Variants in SH3BP5 observed in about 807,000 individuals in gnomAD.
The protein encoded by SH3BP5 is SH3 domain binding protein 5.
A neutral mutation model predicts 43.3 loss-of-function variants in SH3BP5; 22 were observed. The ratio of observed to expected loss-of-function variants is 0.51; its 90% CI spans 0.36 to 0.73. The LOEUF is 0.73. Ranked by LOEUF, SH3BP5 falls within the 30% of genes least tolerant of loss-of-function variation. The probability of loss-of-function intolerance (pLI) is 0.00; values close to 1 mark genes in which losing one functional copy is unlikely to be tolerated. For missense variants in SH3BP5, 529 were observed against 586.9 expected, an observed-to-expected ratio of 0.90 and a Z score of 1.02; for synonymous variants, 255 against 225.8, an observed-to-expected ratio of 1.13 and a Z score of -1.16.
At chr3:15,328,510 C>A (rs1575356054) in intron 2 of SH3BP5, among the ~76,000 whole-genome samples, 1 of 152,062 alleles carries the variant, frequency 6.6e-6, no homozygotes, top group Non-Finnish European at 1.5e-5. Flanking sequence ...GGGAGGATCA[C>A]TTTGAGGCCT....
intron 3 of SH3BP5, among the ~76,000 whole-genome samples, chr3:15,286,052 A>G (rs1697256038): frequency 6.6e-6 from 1 of 152,258 alleles, no homozygotes; most frequent in South Asian, 2.1e-4. Context: ...GAAAAATCTG[A>G]GGGATCTATT....
chr3:15,265,554 A>ACACACACACACACACACACACACACACC (rs1696611071), intron 4 of SH3BP5, among the ~76,000 whole-genome samples: 1 of 144,528 alleles, frequency 6.9e-6, no homozygotes. Flanking sequence ...ACACACACAC[A>ACACACACACACACACACACACACACACC]CACACAACCC....
chr3:15,274,894 C>T (rs966003267), intron 3 of SH3BP5, among the ~76,000 whole-genome samples: 1 of 152,166 alleles, frequency 6.6e-6, no homozygotes, highest in African/African-American at 2.4e-5. Flanking sequence ...AACTCATTGT[C>T]CAAACAACAG....
chr3:15,323,994 C>G (rs1302751337), intron 2 of SH3BP5, among the ~76,000 whole-genome samples: 1 of 152,216 alleles, frequency 6.6e-6, no homozygotes, highest in Non-Finnish European at 1.5e-5. Context: ...TACCACCATT[C>G]TGATGGCCAA....
At chr3:15,286,648 G>A (rs1697273539) in intron 3 of SH3BP5, among the ~76,000 whole-genome samples, 1 of 152,052 alleles carries the variant, frequency 6.6e-6, no homozygotes. Context: ...CAACCTCCTG[G>A]GCTCCAGAGA....
At chr3:15,269,514 C>T (rs552820196) in intron 4 of SH3BP5, among the ~76,000 whole-genome samples, 199 bp downstream of exon 4, 90 of 152,208 alleles carry the variant, frequency 5.9e-4, no homozygotes, top group African/African-American at 2.1e-3. Context: ...CTCGCTGTCA[C>T]GGAGAGACAC....
chr3:15,295,261 TATTTGTAACCC>T (rs1697536527), intron 3 of SH3BP5, among the ~76,000 whole-genome samples: 1 of 152,218 alleles, frequency 6.6e-6, no homozygotes, highest in East Asian at 1.9e-4. Context: ...TACTAAGCTT[TATTTGTAACCC>T]CAAAATCAAC....
intron 1 of SH3BP5, 107 bp downstream of exon 1, chr3:15,332,163 TC>T: frequency 6.7e-7 from 1 of 1,502,762 alleles, no homozygotes; most frequent in South Asian, 1.2e-5. Context: ...TGGCCGCCAG[TC>T]CCCGGACCAC....
At chr3:15,322,614 G>A (rs1698357931) in intron 2 of SH3BP5, among the ~76,000 whole-genome samples, 1 of 151,512 alleles carries the variant, frequency 6.6e-6, no homozygotes, top group Middle Eastern at 3.4e-3. Context: ...GAGGCAGGAG[G>A]ACTGCTTGAG....
intron 1 of SH3BP5, among the ~76,000 whole-genome samples, chr3:15,337,758 A>T (rs1025757993): frequency 2.2e-4 from 33 of 150,356 alleles, no homozygotes; most frequent in Admixed American, 1.6e-3. Flanking sequence ...CCAAAAAAAA[A>T]TTTTTAATTA....
chr3:15,259,506 C>T, intron 6 of SH3BP5: 1 of 586,254 alleles, frequency 1.7e-6, no homozygotes, highest in Non-Finnish European at 3.0e-6. Flanking sequence ...GATGCTGATG[C>T]TGCTGGTCCT....
chr3:15,275,837 A>G (rs1476515157), intron 3 of SH3BP5: 3 of 151,982 alleles, frequency 2.0e-5, no homozygotes, highest in Non-Finnish European at 4.4e-5. Flanking sequence ...CTTGGCCAAC[A>G]TGGTGAAACC....
At chr3:15,313,709 C>T (rs1698116353) in intron 2 of SH3BP5, among the ~76,000 whole-genome samples, 1 of 152,326 alleles carries the variant, frequency 6.6e-6, no homozygotes, top group African/African-American at 2.4e-5. Flanking sequence ...GTGACGATGA[C>T]ATGTGCTACA....
intron 3 of SH3BP5, chr3:15,273,029 G>T: frequency 1.5e-6 from 1 of 646,168 alleles, no homozygotes; most frequent in Non-Finnish European, 1.9e-6. Context: ...GCCTCCGCAG[G>T]CCAAGCTGCT....
intron 5 of SH3BP5, among the ~76,000 whole-genome samples, chr3:15,260,940 T>C (rs918012654): frequency 3.3e-5 from 5 of 152,172 alleles, no homozygotes; most frequent in Admixed American, 2.6e-4. Flanking sequence ...TGGATGAGTA[T>C]GTGATGTGTG....
rs186924563 is a variant in SH3BP5 at position 15,260,876 on chromosome 3, T to C, written c.627-1073A>G. On this transcript the variant is annotated intron_variant, in intron 5 of 8. Coordinates refer to ENST00000383791, the MANE Select transcript of SH3BP5 (RefSeq NM_004844.5). The stretch of plus-strand genomic sequence containing the variant: ...ATCTATCCCTGTACTCTTCTCGGAG[T>C]CTGAAAAGGTTGGCAAAGTACAATC... Among the ~76,000 whole-genome samples the C allele has an allele frequency of 3.9e-5, 6 of 152,148 alleles. No homozygotes were observed. In the East Asian group the frequency reaches 1.2e-3, roughly 29 times the overall value.
In SH3BP5 at chr3:15,258,958, T is replaced by A; in HGVS notation, c.762A>T (p.Ser254=). The change falls in exon 7 of 9, where the codon TCA becomes TCT. Residue 254 remains serine, a synonymous_variant. Coordinates refer to ENST00000383791, the MANE Select transcript of SH3BP5 (RefSeq NM_004844.5). ...AGCGCCGCCGCTCGTGGATCTCATC[T>A]GAGATCATCTCCAGGTTCTTCAGGG... is the stretch of plus-strand genomic sequence containing the variant. The part of the protein sequence containing the change: ...KMALKNLEMI[S]DEIHERRRSS... The A allele has an allele frequency of 1.2e-6, 2 of 1,614,212 alleles. No individual in the cohort carries two copies. The highest frequency in any genetic ancestry group is 2.2e-5 in the South Asian group (2 of 91,082).
At chr3:15,327,238 A>G (rs571526949) in intron 2 of SH3BP5, among the ~76,000 whole-genome samples, 1 of 152,054 alleles carries the variant, frequency 6.6e-6, no homozygotes, top group East Asian at 1.9e-4. Flanking sequence ...CATCTCTACT[A>G]AAAATACAAA....
intron 3 of SH3BP5, among the ~76,000 whole-genome samples, chr3:15,302,062 T>C (rs114301700): frequency 0.021 from 3,199 of 152,270 alleles, 118 homozygotes; most frequent in African/African-American, 0.071. Flanking sequence ...AATTCCTCGA[T>C]ATTTATCCAA....
Sources: gnomAD v4.1 joint callset for allele counts (sites outside exome capture counted in the v4.1 genomes callset) on GRCh38, gnomAD v4.1.1 for gene constraint, MANE v1.5 for transcripts, NCBI Gene and HGNC (gene_info 2026-07-23, HGNC 2026-07-21) for gene names.